Variants in OR6N1 observed in about 807,000 individuals in gnomAD.
The protein encoded by OR6N1 is olfactory receptor 6N1.
For synonymous variants in OR6N1, 170 were observed against 150.7 expected, an observed-to-expected ratio of 1.13 and a Z score of -0.94; for missense variants, 394 against 371.7, an observed-to-expected ratio of 1.06 and a Z score of -0.49.
chr1:158,815,596 A>G, the OR6N1 span, among the ~76,000 whole-genome samples: 1 of 152,162 alleles, frequency 6.6e-6, no homozygotes, highest in Non-Finnish European at 1.5e-5. Context: ...AGCACTGCCA[A>G]TTCTACTGAT....
the OR6N1 span, among the ~76,000 whole-genome samples, chr1:158,835,882 A>ATT: frequency 6.6e-6 from 1 of 151,904 alleles, no homozygotes; most frequent in South Asian, 2.1e-4. Context: ...GCATCAATTG[A>ATT]GATGATCATT....
the OR6N1 span, among the ~76,000 whole-genome samples, chr1:158,789,362 T>C: frequency 5.3e-5 from 8 of 152,318 alleles, no homozygotes; most frequent in East Asian, 1.9e-4. Context: ...TACACAGTAG[T>C]GGGATTGCTG....
At chr1:158,773,565 G>C (rs886164312), upstream of OR6N1, among the ~76,000 whole-genome samples, 4 of 152,066 alleles carry the variant, frequency 2.6e-5, no homozygotes, top group African/African-American at 9.7e-5. Flanking sequence ...CTCTAACAAA[G>C]ATTCTCAATT....
At chr1:158,775,093 T>C (rs917940221), upstream of OR6N1, 2 of 152,202 alleles carry the variant, frequency 1.3e-5, no homozygotes, top group Non-Finnish European at 2.9e-5. Context: ...TATAGATACT[T>C]GTAGGAAAGA....
intron 1 of OR6N1, among the ~76,000 whole-genome samples, chr1:158,769,909 C>CCTT (rs1355989252): frequency 6.6e-6 from 1 of 152,124 alleles, no homozygotes; most frequent in East Asian, 1.9e-4. Context: ...CCCAATTCTG[C>CCTT]CTTCTGTTTT....
the OR6N1 span, among the ~76,000 whole-genome samples, chr1:158,832,408 T>A: frequency 1.3e-5 from 2 of 152,018 alleles, no homozygotes; most frequent in South Asian, 4.1e-4. Flanking sequence ...ACCTTGTTCT[T>A]TCAGTAACTG....
chr1:158,778,963 G>A, the OR6N1 span, among the ~76,000 whole-genome samples: 1 of 142,922 alleles, frequency 7.0e-6, no homozygotes, highest in African/African-American at 2.7e-5. Flanking sequence ...AGCTTGCAGT[G>A]AGCCGAGATC....
At chr1:158,791,836 T>C in the OR6N1 span, among the ~76,000 whole-genome samples, 1 of 152,208 alleles carries the variant, frequency 6.6e-6, no homozygotes, top group African/African-American at 2.4e-5. Flanking sequence ...TTGGAGAATG[T>C]TCCATGTGTC....
chr1:158,817,382 TC>T, the OR6N1 span, among the ~76,000 whole-genome samples: 2 of 152,132 alleles, frequency 1.3e-5, no homozygotes, highest in Non-Finnish European at 2.9e-5. Context: ...TTGAACTAAA[TC>T]ATCTCAGAAG....
the OR6N1 span, among the ~76,000 whole-genome samples, chr1:158,834,900 G>A: frequency 2.6e-5 from 4 of 152,066 alleles, no homozygotes; most frequent in Admixed American, 6.6e-5. Flanking sequence ...CAGCCTTGAC[G>A]TCCATGTCAA....
chr1:158,818,332 G>A, the OR6N1 span, among the ~76,000 whole-genome samples: 1 of 152,282 alleles, frequency 6.6e-6, no homozygotes, highest in East Asian at 1.9e-4. Context: ...GTTGGCAGTG[G>A]TCAACAAATA....
In OR6N1 at chr1:158,766,229, C is replaced by T; in HGVS notation, c.454G>A (p.Gly152Ser). 1 of 1,614,068 alleles carries T rather than the reference C, an allele frequency of 6.2e-7. No individual in the cohort carries two copies. The highest frequency in any genetic ancestry group is 8.5e-7 in the Non-Finnish European group (1 of 1,180,012). ...AEIAIGCWLG[G>S]LAGPVVEISL... ...ATTTCAACTACTGGCCCAGCCAAGC[C>T]TCCCAACCAACAGCCAATGGCAATC... Residue 152 changes from glycine to serine, a missense_variant, in exon 2 of 2, where the codon GGC becomes AGC. Physicochemically the swap from Gly to Ser is moderately conservative, Grantham distance 56 (BLOSUM62 0). Coordinates refer to ENST00000641846, the MANE Select transcript of OR6N1 (RefSeq NM_001005185.2).
chr1:158,818,917 G>A, the OR6N1 span, among the ~76,000 whole-genome samples: 1 of 152,258 alleles, frequency 6.6e-6, no homozygotes, highest in East Asian at 1.9e-4. Context: ...CTTATCCAAT[G>A]AGGCAAATCC....
the OR6N1 span, among the ~76,000 whole-genome samples, chr1:158,821,516 C>T: frequency 2.6e-5 from 4 of 152,134 alleles, no homozygotes; most frequent in Admixed American, 2.0e-4. Flanking sequence ...TTTATTCTTT[C>T]TATACTTTTG....
the OR6N1 span, among the ~76,000 whole-genome samples, chr1:158,804,182 C>A: frequency 6.6e-6 from 1 of 152,164 alleles, no homozygotes; most frequent in East Asian, 1.9e-4. Flanking sequence ...AGGTCCTTGA[C>A]TTTTAGGATT....
At chr1:158,777,261 G>A in the OR6N1 span, 24 of 1,613,998 alleles carry the variant, frequency 1.5e-5, no homozygotes, top group Admixed American at 3.3e-5. Flanking sequence ...GCCGACAAAT[G>A]GCCAGGTATC....
At chr1:158,777,426 C>G in the OR6N1 span, 1 of 1,614,134 alleles carries the variant, frequency 6.2e-7, no homozygotes, top group South Asian at 1.1e-5. Flanking sequence ...TATACCACAA[C>G]TCCAAGAAGG....
chr1:158,784,829 A>G, the OR6N1 span, among the ~76,000 whole-genome samples: 569 of 152,160 alleles, frequency 3.7e-3, 4 homozygotes, highest in Non-Finnish European at 6.3e-3. Context: ...CTGTTGATAG[A>G]CCCCAACATG....
chr1:158,776,547 G>A (rs998216849), upstream of OR6N1: 4 of 524,284 alleles, frequency 7.6e-6, no homozygotes, highest in Non-Finnish European at 1.3e-5. Context: ...TGTAGAAAAT[G>A]AGAAAATCAT....
Sources: gnomAD v4.1 joint callset for allele counts (sites outside exome capture counted in the v4.1 genomes callset) on GRCh38, gnomAD v4.1.1 for gene constraint, MANE v1.5 for transcripts, NCBI Gene and HGNC (gene_info 2026-07-23, HGNC 2026-07-21) for gene names.